The following MFHAS1 variants were observed in gnomAD, a reference collection of about 807,000 sequenced individuals.
MFHAS1 encodes the protein malignant fibrous histiocytoma-amplified sequence 1.
Under a neutral mutation model 70.4 loss-of-function variants are expected in MFHAS1, and 50 were observed. The observed-to-expected ratio is 0.71, with a 90% CI of 0.57 to 0.90. The LOEUF (loss-of-function observed/expected upper bound fraction) is 0.90, where lower values mean the gene tolerates loss of function less well. MFHAS1 is among the 40% of genes least tolerant of loss of function. The pLI is 0.00. For synonymous variants in MFHAS1, 952 were observed against 620.0 expected (o/e 1.54, Z -7.96); for missense variants, 1,795 against 1,347.6 (o/e 1.33, Z -5.20).
intron 1 of MFHAS1, among the ~76,000 whole-genome samples, chr8:8,866,689 C>G (rs950380765): frequency 6.6e-6 from 1 of 152,142 alleles, no homozygotes; most frequent in African/African-American, 2.4e-5. Context: ...CTTCTCTCTC[C>G]CCAGTCTCTT....
At position 8,892,829 on chromosome 8, in the gene MFHAS1, T is replaced by G; in HGVS notation, c.230A>C (p.Glu77Ala). Residue 77 changes from glutamate (E) to alanine (A), a missense_variant, in exon 1 of 3, where the codon GAG (glutamate) becomes GCG (alanine). Coordinates refer to ENST00000276282, the MANE Select transcript of MFHAS1 (RefSeq NM_004225.3). This position sits in a 1 kb window ranked among gnomAD's most constrained non-coding sequence, Gnocchi z 4.7. ...ALNLGNNGLE[E>A]VPEGLGSALG... is the part of the protein sequence containing the mutation. ...CGCCGACCCCAGCCCCTCGGGTACCTCCTCCAGGCCGTTGTTCCCCAGGTT... is the reference window on the plus strand; with the variant it reads ...CGCCGACCCCAGCCCCTCGGGTACCGCCTCCAGGCCGTTGTTCCCCAGGTT... 1 of 1,594,472 alleles carries G rather than the reference T, an allele frequency of 6.3e-7. No homozygotes were observed.
rs1461291797 is a variant in MFHAS1 at position 8,890,838 on chromosome 8, A to G, written c.2221T>C (p.Phe741Leu). 3.1e-6 allele frequency: 5 copies of G among 1,614,120 alleles called. No individual in the cohort carries two copies. Among genetic ancestry groups the G allele is most frequent in the Non-Finnish European group, 4.2e-6 (5 of 1,180,038 alleles). ...TRLIDILNVF[F>L]QRDPSLLLHK... is the part of the protein sequence containing the mutation. ...AGCAGCAAAGAGGGATCCCTCTGGAAGAAGACATTGAGGATGTCGATGAGG... is the reference window on the plus strand; with the variant it reads ...AGCAGCAAAGAGGGATCCCTCTGGAGGAAGACATTGAGGATGTCGATGAGG... Residue 741 changes from phenylalanine to leucine, a missense_variant, in exon 1 of 3, where the codon TTC becomes CTC. Coordinates refer to ENST00000276282, the MANE Select transcript of MFHAS1 (RefSeq NM_004225.3).
At chr8:8,813,943 T>C (rs969508793) in intron 1 of MFHAS1, among the ~76,000 whole-genome samples, 2 of 150,994 alleles carry the variant, frequency 1.3e-5, no homozygotes, top group Admixed American at 6.6e-5. Flanking sequence ...TTTTATCTTT[T>C]TTTTTTTTTT....
rs993243041 is a variant in MFHAS1, at chr8:8,893,200, G to A, written c.-142C>T. 41 of 311,704 alleles carry A rather than the reference G, an allele frequency of 1.3e-4. No individual in the cohort carries two copies. Among genetic ancestry groups the A allele is most frequent in the Non-Finnish European group, 1.9e-4 (36 of 192,028 alleles). 19.3% of individuals were successfully genotyped at this position (311,704 alleles called of 1,614,324 possible). On this transcript the variant is annotated 5_prime_UTR_variant, in exon 1 of 3. Transcript: ENST00000276282. ...GCGGCCGCGGGTCCTAGCGCAGCCA[G>A]CGGCCGAGCGCTGGCGGCTAGGGGG...
chr8:8,799,844 T>A (rs1806026775), intron 1 of MFHAS1, among the ~76,000 whole-genome samples: 1 of 152,218 alleles, frequency 6.6e-6, no homozygotes, highest in African/African-American at 2.4e-5. Flanking sequence ...ATATCAGCAC[T>A]GGGCCTGCAG....
At chr8:8,788,408 G>A (rs1459353620) in intron 2 of MFHAS1, among the ~76,000 whole-genome samples, 1 of 152,236 alleles carries the variant, frequency 6.6e-6, no homozygotes, top group Non-Finnish European at 1.5e-5. Context: ...GCCAGGTGCG[G>A]CAGCTCATGC....
chr8:8,826,028 A>AT (rs1199566855), intron 1 of MFHAS1, among the ~76,000 whole-genome samples: 6 of 152,220 alleles, frequency 3.9e-5, no homozygotes, highest in African/African-American at 1.4e-4. Context: ...AGCTGTACCC[A>AT]AGAGGTTCTG....
intron 1 of MFHAS1, among the ~76,000 whole-genome samples, chr8:8,853,032 C>G (rs973692418): frequency 1.3e-5 from 2 of 152,112 alleles, no homozygotes; most frequent in Admixed American, 6.5e-5. Flanking sequence ...AGCAGGAGGT[C>G]CTGATTCTGT....
intron 1 of MFHAS1, among the ~76,000 whole-genome samples, chr8:8,862,337 CTA>C (rs1346313837): frequency 6.7e-6 from 1 of 149,106 alleles, no homozygotes; most frequent in African/African-American, 2.5e-5. Context: ...TGGAAAATCT[CTA>C]TTCAAAATAT....
At chr8:8,888,130 G>C (rs1276209790) in intron 1 of MFHAS1, among the ~76,000 whole-genome samples, 1 of 152,138 alleles carries the variant, frequency 6.6e-6, no homozygotes, top group Non-Finnish European at 1.5e-5. Context: ...ACAAACTGAA[G>C]AGTCTACCAA....
chr8:8,823,831 C>A (rs1436608544), intron 1 of MFHAS1, among the ~76,000 whole-genome samples: 1 of 140,728 alleles, frequency 7.1e-6, no homozygotes, highest in Non-Finnish European at 1.5e-5. Flanking sequence ...AAGAATCTCG[C>A]CTCTCAGAGA....
chr8:8,873,779 T>G (rs977733048), intron 1 of MFHAS1, among the ~76,000 whole-genome samples: 14 of 152,216 alleles, frequency 9.2e-5, no homozygotes, highest in Admixed American at 9.2e-4. Context: ...GATGCAATGT[T>G]TTGAGTCAAT....
chr8:8,801,857 A>C (rs1436346368), intron 1 of MFHAS1, among the ~76,000 whole-genome samples: 5 of 152,138 alleles, frequency 3.3e-5, no homozygotes, highest in Admixed American at 3.3e-4. Flanking sequence ...GCCCCCAAGG[A>C]AATTTACAGG....
At chr8:8,816,704 T>C (rs981823838) in intron 1 of MFHAS1, among the ~76,000 whole-genome samples, 1 of 152,198 alleles carries the variant, frequency 6.6e-6, no homozygotes, top group African/African-American at 2.4e-5. Flanking sequence ...TAATAATAAT[T>C]GGTAGATGAC....
intron 1 of MFHAS1, among the ~76,000 whole-genome samples, chr8:8,870,786 G>C (rs955282031): frequency 3.3e-5 from 5 of 152,262 alleles, no homozygotes; most frequent in Admixed American, 2.6e-4. Flanking sequence ...CAGCTTCCCG[G>C]GGTCAAGGCC....
intron 1 of MFHAS1, among the ~76,000 whole-genome samples, chr8:8,810,178 C>T (rs575159139): frequency 6.9e-4 from 105 of 152,270 alleles, no homozygotes; most frequent in African/African-American, 2.4e-3. Context: ...ACCAGCCTGG[C>T]CGACATGGTA....
intron 1 of MFHAS1, among the ~76,000 whole-genome samples, chr8:8,828,124 T>C (rs561454475): frequency 6.6e-6 from 1 of 152,198 alleles, no homozygotes; most frequent in Non-Finnish European, 1.5e-5. Context: ...ACATATGCCC[T>C]ACCTTCGAGA....
chr8:8,844,573 C>G (rs117861277), intron 1 of MFHAS1, among the ~76,000 whole-genome samples: 2 of 152,222 alleles, frequency 1.3e-5, no homozygotes, highest in African/African-American at 4.8e-5. Flanking sequence ...GCAGGGCTGG[C>G]TTCTGTCCAC....
At chr8:8,856,070 A>G (rs1373626424) in intron 1 of MFHAS1, among the ~76,000 whole-genome samples, 1 of 152,184 alleles carries the variant, frequency 6.6e-6, no homozygotes, top group African/African-American at 2.4e-5. Flanking sequence ...CTGTTTCAGA[A>G]CTACAGTTTA....
Sources: gnomAD v4.1 joint callset for allele counts (sites outside exome capture counted in the v4.1 genomes callset) on GRCh38, gnomAD v4.1.1 for gene constraint, Gnocchi (gnomAD v3.1) non-coding constraint, MANE v1.5 for transcripts, NCBI Gene and HGNC (gene_info 2026-07-23, HGNC 2026-07-21) for gene names.